The following CSMD2 variants were observed in gnomAD, a reference collection of about 807,000 sequenced individuals.
CSMD2 encodes CUB and Sushi multiple domains 2, also known as CUB and sushi domain-containing protein 2.
In CSMD2, 130 loss-of-function variants were observed where a neutral mutation model predicts 398.5. The ratio of observed to expected loss-of-function variants is 0.33; its 90% CI spans 0.28 to 0.38. The LOEUF (loss-of-function observed/expected upper bound fraction) is 0.38. CSMD2 is among the 10% of genes least tolerant of loss of function. The pLI is 1.00. For missense variants in CSMD2, 3,829 were observed against 4,764.9 expected, an observed-to-expected ratio of 0.80 and a Z score of 5.78; for synonymous variants, 1,828 against 1,908.5, an observed-to-expected ratio of 0.96 and a Z score of 1.10.
At chr1:33,657,050 T>A (rs1034764180) in intron 27 of CSMD2, among the ~76,000 whole-genome samples, 2 of 152,072 alleles carry the variant, frequency 1.3e-5, no homozygotes, top group African/African-American at 4.8e-5. Flanking sequence ...CCCTTCAAGT[T>A]CCCTCCTCCT....
rs145237229 is a variant in CSMD2, at chr1:33,652,420, G to T, written c.4489C>A (p.Leu1497Ile). 1 of 1,614,190 alleles carries T rather than the reference G, an allele frequency of 6.2e-7. No homozygotes were observed. The highest frequency in any genetic ancestry group is 1.7e-5 in the Admixed American group (1 of 60,032). The change falls in exon 28 of 71, where the codon CTC becomes ATC. Residue 1497 changes from leucine (L) to isoleucine (I), a missense_variant. Physicochemically the swap from Leu to Ile is conservative, Grantham distance 5. Coordinates refer to ENST00000373381, the MANE Select transcript of CSMD2 (RefSeq NM_001281956.2). The part of the protein sequence containing the change: ...GDLTGPSGVI[L>I]SPNYPEPYPP... ...TAGGGTTCTGGGTAATTTGGTGAGA[G>T]GATGACTCCAGATGGTCCTGTCAGG...
intron 6 of CSMD2, among the ~76,000 whole-genome samples, chr1:33,836,306 G>T (rs1365499798): frequency 6.6e-6 from 1 of 152,210 alleles, no homozygotes; most frequent in Non-Finnish European, 1.5e-5. Context: ...GCTACTCGGG[G>T]GTCAGGTTCC....
At chr1:34,160,102 G>T (rs939903049) in intron 1 of CSMD2, among the ~76,000 whole-genome samples, 4 of 152,188 alleles carry the variant, frequency 2.6e-5, no homozygotes, top group Admixed American at 2.6e-4. Context: ...GAATGAGGGT[G>T]AAGGGGGTGC....
chr1:33,663,611 C>G (rs1644215123), intron 25 of CSMD2, among the ~76,000 whole-genome samples: 1 of 152,144 alleles, frequency 6.6e-6, no homozygotes, highest in African/African-American at 2.4e-5. Context: ...GAGCAGAATT[C>G]TGGGGATATT....
At chr1:33,968,736 G>C (rs1044875230) in intron 3 of CSMD2, among the ~76,000 whole-genome samples, 1 of 152,174 alleles carries the variant, frequency 6.6e-6, no homozygotes, top group African/African-American at 2.4e-5. Flanking sequence ...CTGCACTGAG[G>C]ACCCACAAGG....
At chr1:34,142,770 T>C (rs528705034) in intron 1 of CSMD2, among the ~76,000 whole-genome samples, 1 of 152,316 alleles carries the variant, frequency 6.6e-6, no homozygotes, top group South Asian at 2.1e-4. Flanking sequence ...GGGATAATAA[T>C]GCCATCTCTC....
chr1:33,672,627 C>T (rs1644545534), intron 25 of CSMD2, among the ~76,000 whole-genome samples: 1 of 152,228 alleles, frequency 6.6e-6, no homozygotes, highest in Non-Finnish European at 1.5e-5. Context: ...GTTCTCCCAG[C>T]ACGCAGCTTG....
At chr1:33,864,093 G>A (rs909711818) in intron 5 of CSMD2, 1 of 1,179,820 alleles carries the variant, frequency 8.5e-7, no homozygotes, top group Non-Finnish European at 1.2e-6. Context: ...AGAAAAATTC[G>A]CTGCAAGTAC....
intron 51 of CSMD2, among the ~76,000 whole-genome samples, chr1:33,570,966 A>G (rs910419912): frequency 1.3e-5 from 2 of 151,908 alleles, no homozygotes; most frequent in Admixed American, 1.3e-4. Flanking sequence ...TCTCAAGAGC[A>G]CCCCCTAATA....
intron 11 of CSMD2, among the ~76,000 whole-genome samples, chr1:33,791,730 C>T (rs1017364026): frequency 1.3e-5 from 2 of 152,144 alleles, no homozygotes; most frequent in East Asian, 3.8e-4. Flanking sequence ...TCAAGCAATC[C>T]GTCTGCCTTG....
At chr1:33,884,671 T>C (rs1002168175) in intron 5 of CSMD2, 4 of 152,274 alleles carry the variant, frequency 2.6e-5, no homozygotes, top group African/African-American at 9.7e-5. Flanking sequence ...CAGGGTGGTC[T>C]TTCAAAAATG....
Position 34,089,331 on chromosome 1 carries a change from C to T in CSMD2, c.188-138G>A, listed in dbSNP as rs142037587. ...CATGAGCCAGCCCTGTACTTGGCAC[C>T]GAGGGAGGTACAAAGGGTGACTAAC... On this transcript the variant is annotated intron_variant, in intron 1 of 70. Coordinates refer to ENST00000373381, the MANE Select transcript of CSMD2 (RefSeq NM_001281956.2). 1.5e-4 allele frequency: 117 copies of T among 773,560 alleles called. No individual in the cohort carries two copies. In the African/African-American group the frequency reaches 1.7e-3, roughly 11 times the overall value. The allele number at this position is 773,560 out of a possible 1,614,324, so 47.9% of individuals were successfully genotyped here. A position where few individuals can be genotyped will look rare whatever the true frequency, so the allele number is the denominator to read the frequency against.
chr1:33,942,610 G>T (rs554669360), intron 3 of CSMD2, among the ~76,000 whole-genome samples: 1 of 152,360 alleles, frequency 6.6e-6, no homozygotes, highest in East Asian at 1.9e-4. Context: ...TATGTGGAAA[G>T]TTTTATAAAG....
At chr1:33,522,943 ATGTAGTCATGTGAGACTCAC>A (rs1377766733) in intron 67 of CSMD2, among the ~76,000 whole-genome samples, 1 of 152,192 alleles carries the variant, frequency 6.6e-6, no homozygotes, top group Non-Finnish European at 1.5e-5. Context: ...GAGAAGTTCA[ATGTAGTCATGTGAGACTCAC>A]TGCCTTCTTC....
chr1:33,574,193 G>A (rs576395184), intron 49 of CSMD2, among the ~76,000 whole-genome samples: 12 of 152,212 alleles, frequency 7.9e-5, no homozygotes, highest in Middle Eastern at 6.8e-3. Context: ...TGAAAACCAG[G>A]AAAGGACAAT....
intron 44 of CSMD2, chr1:33,598,665 G>GTTTTTTTTTTTTTTTTTT (rs5773419): frequency 1.4e-5 from 1 of 73,904 alleles, no homozygotes; most frequent in African/African-American, 5.6e-5. Context: ...AGTTTCCTGT[G>GTTTTTTTTTTTTTTTTTT]TTTTTTTTTT....
intron 25 of CSMD2, among the ~76,000 whole-genome samples, chr1:33,675,026 T>C (rs535392029): frequency 2.0e-3 from 300 of 152,014 alleles, no homozygotes; most frequent in East Asian, 0.015. Context: ...AAAATTGACA[T>C]CCTAACATCA....
intron 10 of CSMD2, among the ~76,000 whole-genome samples, chr1:33,801,098 G>A (rs149852281): frequency 6.6e-6 from 1 of 152,230 alleles, no homozygotes; most frequent in Admixed American, 6.5e-5. Context: ...TAATCCCCAA[G>A]GAGTGAATAA....
intron 2 of CSMD2, among the ~76,000 whole-genome samples, chr1:34,080,729 T>C (rs1477923894): frequency 6.6e-6 from 1 of 151,806 alleles, no homozygotes; most frequent in Non-Finnish European, 1.5e-5. Flanking sequence ...AAACAAGAAA[T>C]AATAAAACTA....
Sources: allele counts gnomAD v4.1 joint callset (sites outside exome capture counted in the v4.1 genomes callset), GRCh38; gene constraint gnomAD v4.1.1; transcripts MANE v1.5; gene names NCBI Gene and HGNC (gene_info 2026-07-23, HGNC 2026-07-21).